CACNA1E: variants seen among roughly 807,000 people sequenced by gnomAD.
CACNA1E encodes voltage-dependent R-type calcium channel subunit alpha-1E.
In CACNA1E, 40 loss-of-function variants were observed where a neutral mutation model predicts 259.2. That is an observed-to-expected ratio of 0.15 (90% CI 0.12 to 0.20). The LOEUF is 0.20. Ranked by LOEUF, CACNA1E falls within the 10% of genes least tolerant of loss-of-function variation. CACNA1E has a pLI of 1.00. For missense variants in CACNA1E, 1,874 were observed against 3,040.1 expected, an observed-to-expected ratio of 0.62 and a Z score of 9.02; for synonymous variants, 1,104 against 1,138.5, an observed-to-expected ratio of 0.97 and a Z score of 0.61.
intron 2 of CACNA1E, among the ~76,000 whole-genome samples, chr1:181,421,563 A>G (rs1031966479): frequency 3.9e-5 from 6 of 152,192 alleles, no homozygotes; most frequent in Non-Finnish European, 8.8e-5. Context: ...TCTAAAACAT[A>G]ATGTGGCTAG....
chr1:181,724,243 G>A (rs993465864), intron 16 of CACNA1E, among the ~76,000 whole-genome samples: 1 of 152,096 alleles, frequency 6.6e-6, no homozygotes, highest in African/African-American at 2.4e-5. Context: ...TCTTTATCCT[G>A]GGTAAAGAGA....
At chr1:181,706,025 G>A (rs950087718) in intron 7 of CACNA1E, among the ~76,000 whole-genome samples, 4 of 152,026 alleles carry the variant, frequency 2.6e-5, no homozygotes, top group African/African-American at 2.4e-5. Flanking sequence ...TGCATCTCTC[G>A]GTGTAGAAAC....
chr1:181,463,781 G>A (rs1370798934), intron 2 of CACNA1E, among the ~76,000 whole-genome samples: 1 of 151,980 alleles, frequency 6.6e-6, no homozygotes, highest in African/African-American at 2.4e-5. Context: ...GGTGCTTTTT[G>A]TCATACAGAG....
At chr1:181,739,347 G>A in intron 25 of CACNA1E, 94 bp downstream of exon 25, 1 of 877,966 alleles carries the variant, frequency 1.1e-6, no homozygotes, top group Non-Finnish European at 1.9e-6. Flanking sequence ...CAACATGCAG[G>A]GTGATGCCAA....
chr1:181,640,258 A>G (rs1177023412), intron 6 of CACNA1E, among the ~76,000 whole-genome samples: 2 of 152,260 alleles, frequency 1.3e-5, no homozygotes, highest in East Asian at 3.9e-4. Context: ...GGAGTGACTC[A>G]CCCATGTACC....
At chr1:181,559,695 G>A (rs567848334) in intron 3 of CACNA1E, among the ~76,000 whole-genome samples, 12 of 152,308 alleles carry the variant, frequency 7.9e-5, no homozygotes, top group African/African-American at 4.8e-5. Flanking sequence ...TCATTTTCAC[G>A]GAGTGAGGAG....
intron 3 of CACNA1E, among the ~76,000 whole-genome samples, chr1:181,550,813 G>A (rs1454693764): frequency 2.0e-5 from 3 of 152,070 alleles, no homozygotes; most frequent in Non-Finnish European, 4.4e-5. Flanking sequence ...TCAGATAGCA[G>A]GGAAACAGTC....
At chr1:181,582,424 G>A (rs1481903189) in intron 6 of CACNA1E, among the ~76,000 whole-genome samples, 2 of 152,246 alleles carry the variant, frequency 1.3e-5, no homozygotes, top group African/African-American at 4.8e-5. Context: ...TGCAGCACTG[G>A]CCCTGCAGTG....
At chr1:181,334,197 A>G (rs904206586) in intron 1 of CACNA1E, among the ~76,000 whole-genome samples, 16 of 152,132 alleles carry the variant, frequency 1.1e-4, no homozygotes, top group African/African-American at 2.9e-4. Flanking sequence ...GCACTTCTTC[A>G]TCTGGCTTTC....
Position 181,719,768 on chromosome 1 carries a change from C to A in CACNA1E, c.1656C>A (p.Ile552=), listed in dbSNP as rs746862485. 2 of 1,600,744 alleles carry A rather than the reference C, an allele frequency of 1.2e-6. No homozygotes were observed. The highest frequency in any genetic ancestry group is 2.7e-5 in the African/African-American group (2 of 74,828). Residue 552 remains isoleucine, a synonymous_variant, in exon 13 of 48, where the codon ATC becomes ATA. Transcript: ENST00000367573. The part of the protein sequence containing the change: ...CFDFGVTVGS[I]FEVVWAIFRP... ...CTCTCTAGGTCACAGTGGGCAGTAT[C>A]TTTGAAGTGGTCTGGGCAATCTTCA...
chr1:181,513,926 A>G (rs1291175704), intron 3 of CACNA1E, among the ~76,000 whole-genome samples: 1 of 152,134 alleles, frequency 6.6e-6, no homozygotes, highest in Admixed American at 6.5e-5. Context: ...TTGCCTTCAC[A>G]GGCCCCTGAT....
At chr1:181,609,611 C>G (rs1001372910) in intron 6 of CACNA1E, among the ~76,000 whole-genome samples, 1 of 152,152 alleles carries the variant, frequency 6.6e-6, no homozygotes, top group Non-Finnish European at 1.5e-5. Context: ...TTGATGAGGG[C>G]TTTGCTTGGC....
At chr1:181,693,759 A>G (rs1033285183) in intron 7 of CACNA1E, among the ~76,000 whole-genome samples, 2 of 152,204 alleles carry the variant, frequency 1.3e-5, no homozygotes, top group Non-Finnish European at 2.9e-5. Context: ...CTCATGTAAC[A>G]AATCTGCACA....
chr1:181,396,002 T>C (rs1356583463), intron 1 of CACNA1E, among the ~76,000 whole-genome samples: 1 of 152,240 alleles, frequency 6.6e-6, no homozygotes, highest in Non-Finnish European at 1.5e-5. Flanking sequence ...TCCTGACTCA[T>C]GATCTCTTGC....
intron 1 of CACNA1E, among the ~76,000 whole-genome samples, chr1:181,340,498 G>A (rs558135490): frequency 1.3e-5 from 2 of 151,760 alleles, no homozygotes; most frequent in Non-Finnish European, 2.9e-5. Context: ...TAATTTTTTT[G>A]AGAATAAATT....
chr1:181,441,759 G>A (rs1193284613), intron 2 of CACNA1E, among the ~76,000 whole-genome samples: 2 of 152,116 alleles, frequency 1.3e-5, no homozygotes, highest in Admixed American at 6.5e-5. Flanking sequence ...TGGGATTTGC[G>A]GGCAGCTGTA....
At chr1:181,739,662 C>T (rs554429898) in intron 25 of CACNA1E, among the ~76,000 whole-genome samples, 68 of 152,154 alleles carry the variant, frequency 4.5e-4, no homozygotes, top group Non-Finnish European at 8.7e-4. Context: ...GAGGGTAGAG[C>T]AAAGTTGAGG....
chr1:181,793,725 T>A lies in CACNA1E; in HGVS notation c.5959T>A (p.Ser1987Thr). Residue 1987 changes from serine to threonine, a missense_variant, in exon 45 of 48, where the codon TCG becomes ACG. Around this residue, in one of 14 missense-constraint regions of CACNA1E, gnomAD observed 542 missense variants for 587.2 expected, o/e 0.92. Transcript: ENST00000367573. ...CTCTAACCATGGCATCTACCTTCCTTCGGACACCCAGGAGCATGCGGGATC... is the reference window on the plus strand; with the variant it reads ...CTCTAACCATGGCATCTACCTTCCTACGGACACCCAGGAGCATGCGGGATC... ...QPSNHGIYLP[S>T]DTQEHAGSGR... is the part of the protein sequence containing the mutation. The A allele has an allele frequency of 6.2e-7, 1 of 1,611,650 alleles. No individual in the cohort carries two copies. The highest frequency in any genetic ancestry group is 8.5e-7 in the Non-Finnish European group (1 of 1,179,420).
At chr1:181,596,412 C>G (rs879271203) in intron 6 of CACNA1E, among the ~76,000 whole-genome samples, 4 of 152,182 alleles carry the variant, frequency 2.6e-5, no homozygotes, top group Non-Finnish European at 4.4e-5. Flanking sequence ...GGTCACGTGC[C>G]CCCTCCACCT....
Sources: gnomAD v4.1 joint callset for allele counts (sites outside exome capture counted in the v4.1 genomes callset) on GRCh38, gnomAD v4.1.1 for gene constraint, gnomAD v4.1.1 regional missense constraint, MANE v1.5 for transcripts, NCBI Gene and HGNC (gene_info 2026-07-23, HGNC 2026-07-21) for gene names.